Variants in SLCO5A1 observed in about 807,000 individuals in gnomAD.
SLCO5A1 encodes the protein solute carrier organic anion transporter family member 5A1, also known as organic anion transporter polypeptide-related protein 4.
A neutral mutation model predicts 65.1 loss-of-function variants in SLCO5A1; 39 were observed. The observed-to-expected ratio is 0.60, with a 90% CI of 0.46 to 0.78. The LOEUF is 0.78. Among genes scored for constraint, SLCO5A1 ranks in the 30% least tolerant of loss-of-function variants. The pLI is 0.00. For missense variants in SLCO5A1, 1,029 were observed against 1,069.4 expected (o/e 0.96, Z 0.53); for synonymous variants, 438 against 415.7 (o/e 1.05, Z -0.65).
intron 2 of SLCO5A1, among the ~76,000 whole-genome samples, chr8:69,826,654 G>A (rs1420587844): frequency 6.6e-6 from 1 of 152,212 alleles, no homozygotes; most frequent in Non-Finnish European, 1.5e-5. Context: ...AGGATGTGGA[G>A]AAATAGGAAC....
intron 2 of SLCO5A1, among the ~76,000 whole-genome samples, chr8:69,806,603 G>A (rs1174924255): frequency 1.3e-5 from 2 of 152,172 alleles, no homozygotes; most frequent in Non-Finnish European, 2.9e-5. Context: ...AACACGTGCA[G>A]GAGCAAGCCT....
At chr8:69,764,066 C>A (rs535917661) in intron 2 of SLCO5A1, among the ~76,000 whole-genome samples, 1 of 152,082 alleles carries the variant, frequency 6.6e-6, no homozygotes, top group Non-Finnish European at 1.5e-5. Context: ...GGTTTTACCA[C>A]GTTGGCCATA....
At chr8:69,718,924 C>T (rs1185030831) in intron 5 of SLCO5A1, among the ~76,000 whole-genome samples, 1 of 152,026 alleles carries the variant, frequency 6.6e-6, no homozygotes, top group African/African-American at 2.4e-5. Flanking sequence ...AGAGGAGTTC[C>T]ATTTTTAACT....
At chr8:69,726,279 A>G (rs17729816) in intron 5 of SLCO5A1, among the ~76,000 whole-genome samples, 9,427 of 152,330 alleles carry the variant, frequency 0.062, 411 homozygotes, top group Non-Finnish European at 0.09. Context: ...TGTGAAAAGT[A>G]GCCATTTATA....
At chr8:69,807,199 G>T (rs1249735808) in intron 2 of SLCO5A1, among the ~76,000 whole-genome samples, 2 of 152,118 alleles carry the variant, frequency 1.3e-5, no homozygotes, top group Non-Finnish European at 2.9e-5. Context: ...GTGTGAGGGG[G>T]TTTTTTACAT....
At chr8:69,674,754 C>T (rs930440843) in intron 9 of SLCO5A1, among the ~76,000 whole-genome samples, 1 of 151,838 alleles carries the variant, frequency 6.6e-6, no homozygotes, top group African/African-American at 2.4e-5. Flanking sequence ...GGCATTGTGG[C>T]TCACATCTGT....
At chr8:69,736,804 G>C (rs1012667766) in intron 5 of SLCO5A1, among the ~76,000 whole-genome samples, 22 of 152,194 alleles carry the variant, frequency 1.4e-4, no homozygotes, top group African/African-American at 5.3e-4. Context: ...TTTGGGAAAT[G>C]CTGGAGACTA....
At chr8:69,820,399 C>A (rs1484039603) in intron 2 of SLCO5A1, among the ~76,000 whole-genome samples, 1 of 152,198 alleles carries the variant, frequency 6.6e-6, no homozygotes. Context: ...ACCACTGGTA[C>A]ACATGGTTAT....
chr8:69,711,900 CT>C (rs11298120), intron 5 of SLCO5A1, among the ~76,000 whole-genome samples: 100,565 of 152,080 alleles, frequency 0.66, 33,513 homozygotes, highest in South Asian at 0.73. Flanking sequence ...CATTATCTGC[CT>C]AATATTATGA....
In SLCO5A1 at chr8:69,694,547, A is replaced by G. The variant is rs181458506; in HGVS notation, c.1622+10484T>C. Among the ~76,000 whole-genome samples, 276 of 152,362 alleles carry G rather than the reference A, an allele frequency of 1.8e-3. 1 individual carries two copies. The highest frequency in any genetic ancestry group is 3.0e-3 in the Non-Finnish European group (202 of 68,024). Reference sequence around the variant, plus strand: ...AGCCACATACTGTTGAGCAGGTTGTACACTGCACAAGGGCACCCAGCCAAG... The same window carrying G: ...AGCCACATACTGTTGAGCAGGTTGTGCACTGCACAAGGGCACCCAGCCAAG... On this transcript the variant is annotated intron_variant, in intron 6 of 9. Transcript: ENST00000260126.
intron 8 of SLCO5A1, 54 bp downstream of exon 8, chr8:69,679,324 G>A: frequency 4.4e-6 from 7 of 1,605,134 alleles, no homozygotes; most frequent in Non-Finnish European, 6.0e-6. Flanking sequence ...TGGATTATGT[G>A]CTCTGGAAAT....
intron 2 of SLCO5A1, among the ~76,000 whole-genome samples, chr8:69,770,736 C>G (rs1251136488): frequency 2.6e-5 from 4 of 152,154 alleles, no homozygotes; most frequent in African/African-American, 9.7e-5. Context: ...CCACAGCTTC[C>G]TAGCTGCCTC....
intron 4 of SLCO5A1, among the ~76,000 whole-genome samples, chr8:69,746,116 G>A (rs1817018202): frequency 6.6e-6 from 1 of 152,040 alleles, no homozygotes; most frequent in South Asian, 2.1e-4. Context: ...TTAATATTGT[G>A]TCTACTTTCT....
At chr8:69,718,537 C>T (rs1294564264) in intron 5 of SLCO5A1, among the ~76,000 whole-genome samples, 2 of 152,112 alleles carry the variant, frequency 1.3e-5, no homozygotes, top group African/African-American at 4.8e-5. Flanking sequence ...TCCATAGATG[C>T]CCCTTATCAC....
Position 69,823,931 on chromosome 8 carries a change from A to G in SLCO5A1, c.907+7836T>C, listed in dbSNP as rs543240189. Reference sequence around the variant, plus strand: ...CAGAAATTATAACAAACTGTCTCTCAGACCACAGTGCAATCAAACTAGAAC... The same window carrying G: ...CAGAAATTATAACAAACTGTCTCTCGGACCACAGTGCAATCAAACTAGAAC... On this transcript the variant is annotated intron_variant, in intron 2 of 9. Transcript: ENST00000260126. 6.6e-5 allele frequency among the ~76,000 whole-genome samples: 10 copies of G among 152,364 alleles called. No individual in the cohort carries two copies. The East Asian group carries it at 1.7e-3, about 26-fold the overall frequency.
chr8:69,814,643 C>T (rs560462457), intron 2 of SLCO5A1, among the ~76,000 whole-genome samples: 64 of 152,262 alleles, frequency 4.2e-4, no homozygotes, highest in African/African-American at 1.5e-3. Flanking sequence ...ATCCAGCAAT[C>T]CCACTGCAGG....
chr8:69,808,996 C>T (rs1371211009), intron 2 of SLCO5A1, among the ~76,000 whole-genome samples: 3 of 151,920 alleles, frequency 2.0e-5, no homozygotes, highest in South Asian at 4.2e-4. Flanking sequence ...CCCAGCTACT[C>T]GGGAGGCTGA....
At chr8:69,712,335 A>G (rs1393050815) in intron 5 of SLCO5A1, among the ~76,000 whole-genome samples, 2 of 152,314 alleles carry the variant, frequency 1.3e-5, no homozygotes, top group Admixed American at 6.5e-5. Flanking sequence ...CTGGACCCCA[A>G]TTTTGTGGCT....
intron 2 of SLCO5A1, among the ~76,000 whole-genome samples, chr8:69,795,700 C>A (rs1819461103): frequency 6.6e-6 from 1 of 152,236 alleles, no homozygotes; most frequent in Admixed American, 6.5e-5. Context: ...CTTCTCACAG[C>A]TCCACTAGGC....
Sources: allele counts gnomAD v4.1 joint callset (sites outside exome capture counted in the v4.1 genomes callset), GRCh38; gene constraint gnomAD v4.1.1; transcripts MANE v1.5; gene names NCBI Gene and HGNC (gene_info 2026-07-23, HGNC 2026-07-21).